The following SLC9A9 variants were observed in gnomAD, a reference collection of about 807,000 sequenced individuals.
SLC9A9 encodes solute carrier family 9 member A9.
In SLC9A9, 62 loss-of-function variants were observed where a neutral mutation model predicts 77.8. That is an observed-to-expected ratio of 0.80 (90% CI 0.65 to 0.98). SLC9A9 has a LOEUF of 0.98. SLC9A9 is among the 50% of genes least tolerant of loss of function. The pLI is 0.00. For missense variants in SLC9A9, 775 were observed against 774.9 expected (o/e 1.00, Z 0.00); for synonymous variants, 320 against 283.5 (o/e 1.13, Z -1.29).
At chr3:143,622,654 C>A (rs1046771332) in intron 6 of SLC9A9, among the ~76,000 whole-genome samples, 1 of 152,160 alleles carries the variant, frequency 6.6e-6, no homozygotes, top group Admixed American at 6.5e-5. Context: ...CCAGCCATTG[C>A]AAAAACATGC....
intron 14 of SLC9A9, among the ~76,000 whole-genome samples, chr3:143,284,699 A>G (rs923562998): frequency 6.6e-6 from 1 of 152,158 alleles, no homozygotes; most frequent in African/African-American, 2.4e-5. Flanking sequence ...TTTCCACTTC[A>G]ACCTAATAGT....
At chr3:143,470,547 T>A (rs1478409080) in intron 11 of SLC9A9, among the ~76,000 whole-genome samples, 1 of 151,104 alleles carries the variant, frequency 6.6e-6, no homozygotes, top group Non-Finnish European at 1.5e-5. Flanking sequence ...AAGCTCATAG[T>A]GATAGAAATG....
At position 143,375,417 on chromosome 3, in the gene SLC9A9, G is replaced by C. The variant is rs78585077; in HGVS notation, c.1524+6643C>G. On this transcript the variant is annotated intron_variant, in intron 13 of 15. Coordinates refer to ENST00000316549, the MANE Select transcript of SLC9A9 (RefSeq NM_173653.4). ...ACCTCGTAATTTTCTCTGGTCAACA[G>C]AATGTAGCAGCAATGCCAATGTATC... is the stretch of plus-strand genomic sequence containing the variant. 7.5e-3 allele frequency among the ~76,000 whole-genome samples: 1,137 copies of C among 152,306 alleles called. 47 individuals carry two copies. In the East Asian group the frequency reaches 0.13, roughly 17 times the overall value.
chr3:143,537,723 G>A (rs1417382074), intron 9 of SLC9A9, among the ~76,000 whole-genome samples: 1 of 152,154 alleles, frequency 6.6e-6, no homozygotes, highest in African/African-American at 2.4e-5. Flanking sequence ...AGGGTCACTT[G>A]TGTTCCCAGG....
chr3:143,554,699 C>A (rs1211575125), intron 8 of SLC9A9, among the ~76,000 whole-genome samples: 2 of 152,172 alleles, frequency 1.3e-5, no homozygotes, highest in Non-Finnish European at 2.9e-5. Flanking sequence ...TGCCCCTTCC[C>A]CACTCCCCAC....
intron 4 of SLC9A9, among the ~76,000 whole-genome samples, chr3:143,740,769 C>T (rs1279372554): frequency 6.6e-6 from 1 of 152,132 alleles, no homozygotes; most frequent in African/African-American, 2.4e-5. Context: ...TTTGGAAATG[C>T]AGTCTGTAAG....
chr3:143,451,638 G>A (rs1257867101), intron 12 of SLC9A9, among the ~76,000 whole-genome samples: 1 of 151,824 alleles, frequency 6.6e-6, no homozygotes, highest in African/African-American at 2.4e-5. Context: ...CAAAAATAAA[G>A]GAGAAAAGGG....
intron 12 of SLC9A9, among the ~76,000 whole-genome samples, chr3:143,442,513 G>A (rs991438390): frequency 1.3e-5 from 2 of 152,178 alleles, no homozygotes; most frequent in Non-Finnish European, 2.9e-5. Flanking sequence ...CCTGAGGTAG[G>A]AGTTCAAGGC....
At chr3:143,720,545 C>T (rs561835505) in intron 4 of SLC9A9, among the ~76,000 whole-genome samples, 18 of 152,254 alleles carry the variant, frequency 1.2e-4, no homozygotes, top group Middle Eastern at 3.4e-3. Context: ...CCAGGTGTAC[C>T]GAGGTGTCAG....
intron 9 of SLC9A9, among the ~76,000 whole-genome samples, chr3:143,542,943 A>T (rs2036712235): frequency 6.6e-6 from 1 of 152,250 alleles, no homozygotes; most frequent in Admixed American, 6.5e-5. Context: ...TAGATGTTAC[A>T]TATGTACAGA....
At chr3:143,267,024 G>T in intron 15 of SLC9A9, 95 bp from the exon 16 acceptor site, 34 of 1,148,962 alleles carry the variant, frequency 3.0e-5, no homozygotes, top group Non-Finnish European at 3.9e-5. Context: ...CAGAATGCAT[G>T]TTTTCCTTTC....
chr3:143,526,887 A>G (rs565684280), intron 9 of SLC9A9, among the ~76,000 whole-genome samples: 11 of 152,306 alleles, frequency 7.2e-5, no homozygotes, highest in East Asian at 5.8e-4. Context: ...GTTGAAATAT[A>G]TATCAAGCTT....
chr3:143,601,474 T>A (rs909022073), intron 6 of SLC9A9, among the ~76,000 whole-genome samples: 1 of 152,224 alleles, frequency 6.6e-6, no homozygotes, highest in Non-Finnish European at 1.5e-5. Flanking sequence ...TTGAATGACT[T>A]GGCGAAATCC....
intron 14 of SLC9A9, among the ~76,000 whole-genome samples, chr3:143,304,980 T>C (rs2030711787): frequency 6.6e-6 from 1 of 152,200 alleles, no homozygotes; most frequent in Non-Finnish European, 1.5e-5. Flanking sequence ...ATAATAACTC[T>C]GGAGAGTACT....
At chr3:143,706,509 G>C (rs1422532344) in intron 4 of SLC9A9, among the ~76,000 whole-genome samples, 1 of 152,190 alleles carries the variant, frequency 6.6e-6, no homozygotes, top group Non-Finnish European at 1.5e-5. Context: ...GGATGATGCA[G>C]TCAATTTGAT....
In SLC9A9 at chr3:143,542,705, A is replaced by G. The variant is rs191655299; in HGVS notation, c.1089+9657T>C. 1.3e-3 allele frequency among the ~76,000 whole-genome samples: 194 copies of G among 152,348 alleles called. 2 individuals carry two copies. The highest frequency in any genetic ancestry group is 4.6e-3 in the African/African-American group (193 of 41,576). ...TAATGCATCATATCAGAACTAAATA[A>G]AACCATTAATTAGCATATATTCTCT... On this transcript the variant is annotated intron_variant, in intron 9 of 15. Coordinates refer to ENST00000316549, the MANE Select transcript of SLC9A9 (RefSeq NM_173653.4).
At chr3:143,370,294 T>A (rs999946728) in intron 13 of SLC9A9, among the ~76,000 whole-genome samples, 2 of 152,236 alleles carry the variant, frequency 1.3e-5, no homozygotes, top group African/African-American at 4.8e-5. Flanking sequence ...GTTTATGAAC[T>A]GTTTTCATAA....
chr3:143,744,217 A>G (rs2108819190), intron 4 of SLC9A9, among the ~76,000 whole-genome samples: 1 of 152,284 alleles, frequency 6.6e-6, no homozygotes, highest in South Asian at 2.1e-4. Flanking sequence ...TTAAAGCCTA[A>G]CTATGTGCCA....
At chr3:143,401,957 T>C (rs2033871411) in intron 12 of SLC9A9, among the ~76,000 whole-genome samples, 1 of 152,190 alleles carries the variant, frequency 6.6e-6, no homozygotes, top group Non-Finnish European at 1.5e-5. Flanking sequence ...CCTAGTGAGG[T>C]ACATCTCACC....
Sources: gnomAD v4.1 joint callset for allele counts (sites outside exome capture counted in the v4.1 genomes callset) on GRCh38, gnomAD v4.1.1 for gene constraint, MANE v1.5 for transcripts, NCBI Gene and HGNC (gene_info 2026-07-23, HGNC 2026-07-21) for gene names.